CDH18: variants seen among roughly 807,000 people sequenced by gnomAD.
CDH18 encodes cadherin 18, also known as cadherin-18.
Under a neutral mutation model 67.9 loss-of-function variants are expected in CDH18, and 31 were observed. That is an observed-to-expected ratio of 0.46 (90% CI 0.34 to 0.62). The LOEUF (loss-of-function observed/expected upper bound fraction) is 0.62, where lower values mean the gene tolerates loss of function less well. Ranked by LOEUF, CDH18 falls within the 20% of genes least tolerant of loss-of-function variation. The pLI is 0.01. For synonymous variants in CDH18, 362 were observed against 347.2 expected, an observed-to-expected ratio of 1.04 and a Z score of -0.48; for missense variants, 890 against 975.5, an observed-to-expected ratio of 0.91 and a Z score of 1.17.
intron 8 of CDH18, among the ~76,000 whole-genome samples, chr5:19,567,300 A>G (rs1297172940): frequency 6.6e-6 from 1 of 152,196 alleles, no homozygotes; most frequent in Non-Finnish European, 1.5e-5. Context: ...TGAAATCTGA[A>G]GAGTCTTACT....
intron 3 of CDH18, among the ~76,000 whole-genome samples, chr5:19,806,503 C>T (rs142988450): frequency 8.2e-4 from 125 of 152,272 alleles, no homozygotes; most frequent in African/African-American, 2.8e-3. Flanking sequence ...CATAATAAAA[C>T]TGGGCTCTAG....
intron 1 of CDH18, among the ~76,000 whole-genome samples, chr5:20,433,381 G>T (rs1748923052): frequency 6.6e-6 from 1 of 151,826 alleles, no homozygotes; most frequent in Non-Finnish European, 1.5e-5. Flanking sequence ...ACCAAGCCTT[G>T]TTTTCTACAT....
chr5:20,118,770 C>T (rs2126400438), intron 2 of CDH18, among the ~76,000 whole-genome samples: 1 of 152,256 alleles, frequency 6.6e-6, no homozygotes, highest in South Asian at 2.1e-4. Flanking sequence ...AAGCCATCCT[C>T]CAACACCTAG....
chr5:20,370,824 G>T (rs1742929013), intron 1 of CDH18, among the ~76,000 whole-genome samples: 1 of 152,038 alleles, frequency 6.6e-6, no homozygotes, highest in Non-Finnish European at 1.5e-5. Flanking sequence ...GGATCATGAG[G>T]TCAGGAGTTC....
chr5:20,245,705 A>G (rs745712255), intron 2 of CDH18, among the ~76,000 whole-genome samples: 2 of 152,114 alleles, frequency 1.3e-5, no homozygotes, highest in East Asian at 1.9e-4. Flanking sequence ...AAAATACACC[A>G]TACCACACAT....
chr5:20,483,581 T>C (rs753207993), intron 1 of CDH18, among the ~76,000 whole-genome samples: 1 of 150,342 alleles, frequency 6.7e-6, no homozygotes, highest in Non-Finnish European at 1.5e-5. Context: ...GACACATAAA[T>C]CAATGAATCA....
At position 19,882,456 on chromosome 5, in the gene CDH18, C is replaced by T. The variant is rs1787757920; in HGVS notation, c.-256-43214G>A. On this transcript the variant is annotated intron_variant, in intron 2 of 12. Transcript: ENST00000382275. ...TTTAATTTTCTTAGGATCATTAAGT[C>T]AAATGAATCTTAAGAGATAAAGAAT... 2.0e-5 allele frequency among the ~76,000 whole-genome samples: 3 copies of T among 151,874 alleles called. No homozygotes were observed. In the South Asian group the frequency reaches 6.2e-4, roughly 32 times the overall value.
intron 1 of CDH18, among the ~76,000 whole-genome samples, chr5:20,443,945 A>G (rs1376622522): frequency 1.3e-5 from 2 of 151,958 alleles, no homozygotes; most frequent in Non-Finnish European, 2.9e-5. Flanking sequence ...AGGTAAAAAT[A>G]TACACTTGGG....
chr5:20,573,767 C>T (rs1015774844), intron 1 of CDH18, among the ~76,000 whole-genome samples: 6 of 142,758 alleles, frequency 4.2e-5, no homozygotes, highest in African/African-American at 1.3e-4. Flanking sequence ...TCTCAGTTAA[C>T]GGTTTGGCAT....
At chr5:20,546,750 GAC>G (rs4002054) in intron 1 of CDH18, among the ~76,000 whole-genome samples, 16 of 150,940 alleles carry the variant, frequency 1.1e-4, no homozygotes, top group Admixed American at 4.6e-4. Flanking sequence ...TACATACATA[GAC>G]ACACACACAC....
chr5:19,537,824 G>A (rs930701429), intron 9 of CDH18, among the ~76,000 whole-genome samples: 67 of 152,174 alleles, frequency 4.4e-4, no homozygotes, highest in African/African-American at 1.5e-3. Flanking sequence ...ATACCACACT[G>A]ACTAGCAAGT....
At chr5:19,759,612 C>T (rs114748437) in intron 3 of CDH18, among the ~76,000 whole-genome samples, 1 of 152,182 alleles carries the variant, frequency 6.6e-6, no homozygotes, top group Non-Finnish European at 1.5e-5. Flanking sequence ...CCTACTTTAA[C>T]TGGAGGACCA....
intron 5 of CDH18, among the ~76,000 whole-genome samples, chr5:19,657,240 TA>T (rs1234365989): frequency 6.6e-6 from 1 of 152,118 alleles, no homozygotes; most frequent in Non-Finnish European, 1.5e-5. Context: ...GGGAATGTGA[TA>T]GAACAAAGAA....
intron 2 of CDH18, among the ~76,000 whole-genome samples, chr5:19,938,927 T>C (rs1794552826): frequency 6.6e-6 from 1 of 151,346 alleles, no homozygotes; most frequent in Non-Finnish European, 1.5e-5. Context: ...ATGTATTTAA[T>C]ATAAATTCAA....
intron 7 of CDH18, among the ~76,000 whole-genome samples, chr5:19,585,409 C>A (rs566990783): frequency 5.3e-5 from 8 of 152,252 alleles, no homozygotes; most frequent in Non-Finnish European, 8.8e-5. Flanking sequence ...GCCACCACTG[C>A]ACCCATACAC....
At position 20,396,465 on chromosome 5, in the gene CDH18, A is replaced by G. The variant is rs1038422108; in HGVS notation, c.-579-140960T>C. 2.0e-5 allele frequency among the ~76,000 whole-genome samples: 3 copies of G among 152,028 alleles called. No individual in the cohort carries two copies. In the South Asian group the frequency reaches 6.2e-4, roughly 32 times the overall value. ...TTATTTCCTAGTAAAGGTCTTAATG[A>G]TAACTGCTTATCATTAAGCATAATG... On this transcript the variant is annotated intron_variant, in intron 1 of 14. Coordinates refer to the CDH18 transcript ENST00000507958.
intron 3 of CDH18, among the ~76,000 whole-genome samples, chr5:19,836,491 C>G (rs1470085450): frequency 1.3e-5 from 2 of 152,086 alleles, no homozygotes; most frequent in Admixed American, 1.3e-4. Context: ...TGTTCATATC[C>G]TTTGCCTACT....
chr5:20,198,094 C>T (rs1045999640), intron 2 of CDH18, among the ~76,000 whole-genome samples: 2 of 152,228 alleles, frequency 1.3e-5, no homozygotes. Flanking sequence ...CCATGTGGAA[C>T]TGTTAATCAA....
intron 4 of CDH18, among the ~76,000 whole-genome samples, chr5:19,732,166 T>A (rs2150643039): frequency 6.6e-6 from 1 of 151,252 alleles, no homozygotes; most frequent in South Asian, 2.1e-4. Context: ...TTTAAAAAAA[T>A]TATAGCCTCA....
Sources: gnomAD v4.1 joint callset for allele counts (sites outside exome capture counted in the v4.1 genomes callset) on GRCh38, gnomAD v4.1.1 for gene constraint, MANE v1.5 for transcripts, NCBI Gene and HGNC (gene_info 2026-07-23, HGNC 2026-07-21) for gene names.